Variants in ACOT8 observed in about 807,000 individuals in gnomAD.
ACOT8 encodes the protein acyl-CoA thioesterase 8.
Under a neutral mutation model 38.4 loss-of-function variants are expected in ACOT8, and 31 were observed. That is an observed-to-expected ratio of 0.81 (90% confidence interval 0.61 to 1.09). ACOT8 has a LOEUF of 1.09. ACOT8 is among the 50% of genes least tolerant of loss of function. The pLI is 0.00. For missense variants in ACOT8, 373 were observed against 421.8 expected, an observed-to-expected ratio of 0.88 and a Z score of 1.01; for synonymous variants, 158 against 170.3, an observed-to-expected ratio of 0.93 and a Z score of 0.56.
Position 45,841,931 on chromosome 20 carries a change from C to A in ACOT8, c.867G>T (p.Gly289=), listed in dbSNP as rs368111029. The change falls in exon 6 of 6, where the codon GGG becomes GGT. Residue 289 remains glycine (G), a synonymous_variant. Coordinates refer to ENST00000217455, the MANE Select transcript of ACOT8 (RefSeq NM_005469.4). ...GGACTCCATCCTGACGCCACAGCCG[C>A]CCATGGACCAGCCCCCGAGAGCCAC... is the stretch of plus-strand genomic sequence containing the variant. ...WAGGSRGLVH[G]RLWRQDGVLA... 1 of 1,613,248 alleles carries A rather than the reference C, an allele frequency of 6.2e-7. No individual in the cohort carries two copies. Among genetic ancestry groups the A allele is most frequent in the Non-Finnish European group, 8.5e-7 (1 of 1,179,974 alleles).
In ACOT8 at chr20:45,848,465, A is replaced by G. The variant is rs143032158; in HGVS notation, c.473T>C (p.Ile158Thr). The change falls in exon 3 of 6, where the codon ATT (isoleucine) becomes ACT (threonine). Residue 158 changes from isoleucine to threonine, a missense_variant. Ile to Thr is a moderately conservative substitution (Grantham distance 89, BLOSUM62 -1). Coordinates refer to ENST00000217455, the MANE Select transcript of ACOT8 (RefSeq NM_005469.4). ...PEELLDCETL[I>T]DQYLRDPNLQ... is the part of the protein sequence containing the mutation. Reference sequence around the variant, plus strand: ...GGTCTCTCACCTTAAATACTGGTCAATGAGGGTCTCACAGTCAAGCAGCTC... The same window carrying G: ...GGTCTCTCACCTTAAATACTGGTCAGTGAGGGTCTCACAGTCAAGCAGCTC... 9 of 1,606,430 alleles carry G rather than the reference A, an allele frequency of 5.6e-6. No homozygotes were observed. Among genetic ancestry groups the G allele is most frequent in the East Asian group, 2.2e-5 (1 of 44,704 alleles).
chr20:45,850,136 G>A (rs560604912), intron 2 of ACOT8, among the ~76,000 whole-genome samples: 2 of 152,248 alleles, frequency 1.3e-5, no homozygotes, highest in Admixed American at 1.3e-4. Context: ...CTTGAAGCTG[G>A]GAGGTGGAGG....
intron 2 of ACOT8, among the ~76,000 whole-genome samples, chr20:45,849,394 T>C (rs1662319480): frequency 6.6e-6 from 1 of 152,036 alleles, no homozygotes; most frequent in African/African-American, 2.4e-5. Context: ...AAGCGATTCC[T>C]GTGACTCAGC....
chr20:45,856,641 C>G (rs979272091), intron 1 of ACOT8, among the ~76,000 whole-genome samples: 1 of 152,160 alleles, frequency 6.6e-6, no homozygotes, highest in Non-Finnish European at 1.5e-5. Flanking sequence ...GATCGCACCA[C>G]TGCACTCCAG....
Position 45,843,707 on chromosome 20 carries a change from T to A in ACOT8, c.661A>T (p.Lys221Ter), listed in dbSNP as rs1225861603. Residue 221 changes from lysine to a stop codon, truncating the protein, a stop_gained, in exon 5 of 6, where the codon AAG becomes TAG. Transcript: ENST00000217455. LOFTEE classifies it high-confidence loss of function. The stretch of plus-strand genomic sequence containing the variant: ...TAGGCGGCCACGCAGCAGTGCATCT[T>A]CATGTCGCCCTCGCCTGCAACAGGT... ...ARGYIGEGDM[K>*]MHCCVAAYIS... 2 of 1,606,744 alleles carry A rather than the reference T, an allele frequency of 1.2e-6. No individual in the cohort carries two copies. Among genetic ancestry groups the A allele is most frequent in the African/African-American group, 2.7e-5 (2 of 74,784 alleles).
At chr20:45,857,103 C>A (rs1040600793) in intron 1 of ACOT8, 85 bp downstream of exon 1, 3 of 1,520,390 alleles carry the variant, frequency 2.0e-6, no homozygotes, top group Admixed American at 3.9e-5. Context: ...CATACTAGTC[C>A]CGGAGCCAGG....
intron 2 of ACOT8, chr20:45,848,983 A>C (rs1984884083): frequency 3.3e-6 from 1 of 298,854 alleles, no homozygotes; most frequent in Non-Finnish European, 6.2e-6. Context: ...GCTTATTTGC[A>C]AACTGGGGAT....
chr20:45,852,429 T>C (rs1985127595), intron 2 of ACOT8, among the ~76,000 whole-genome samples: 1 of 151,958 alleles, frequency 6.6e-6, no homozygotes, highest in Admixed American at 6.6e-5. Context: ...TCTGCCCGCC[T>C]CGGCCTCCCA....
intron 2 of ACOT8, 85 bp downstream of exon 2, chr20:45,855,074 T>C: frequency 6.4e-7 from 1 of 1,558,828 alleles, no homozygotes; most frequent in South Asian, 1.2e-5. Flanking sequence ...AGTCTCCCTC[T>C]CTTCCCTTTT....
In ACOT8 at chr20:45,843,322, C is replaced by T. The variant is rs115914477; in HGVS notation, c.841+205G>A. 372 of 786,922 alleles carry T rather than the reference C, an allele frequency of 4.7e-4. No homozygotes were observed. In the African/African-American group the frequency reaches 5.5e-3, roughly 12 times the overall value. The allele number at this position is 786,922 out of a possible 1,614,324, so 48.7% of individuals were successfully genotyped here. ...CCTGGGAGAAGGTGAATCACATTTC[C>T]AGCACATTCTAGAAATTTAGAGCAG... On this transcript the variant is annotated intron_variant, in intron 5 of 5. Coordinates refer to ENST00000217455, the MANE Select transcript of ACOT8 (RefSeq NM_005469.4).
intron 1 of ACOT8, 69 bp downstream of exon 1, chr20:45,857,119 C>A: frequency 6.4e-7 from 1 of 1,552,088 alleles, no homozygotes; most frequent in Non-Finnish European, 8.7e-7. Context: ...CCAGGGGCCC[C>A]GGGCGGCGGC....
chr20:45,844,148 C>T (rs1023191716), intron 4 of ACOT8, 115 bp downstream of exon 4: 5 of 1,424,164 alleles, frequency 3.5e-6, no homozygotes, highest in Non-Finnish European at 4.9e-6. Flanking sequence ...ACTTCCCCAT[C>T]ATGCAGATAA....
chr20:45,855,073 C>G (rs914036244), intron 2 of ACOT8, 86 bp downstream of exon 2: 6 of 1,557,298 alleles, frequency 3.9e-6, no homozygotes, highest in African/African-American at 1.4e-5. Context: ...CAGTCTCCCT[C>G]TCTTCCCTTT....
intron 2 of ACOT8, among the ~76,000 whole-genome samples, chr20:45,852,290 C>T (rs1357583356): frequency 6.6e-6 from 1 of 152,026 alleles, no homozygotes; most frequent in Admixed American, 6.5e-5. Flanking sequence ...GACTCAGCCT[C>T]CTGAGTAGCT....
At position 45,857,234 on chromosome 20, in the gene ACOT8, C is replaced by T. The variant is rs762943629; in HGVS notation, c.82G>A (p.Val28Ile). The change falls in exon 1 of 6, where the codon GTC (valine) becomes ATC (isoleucine). Residue 28 changes from valine to isoleucine, a missense_variant. Transcript: ENST00000217455. ...GGCTCGAGGTTGAGCACGGTCGTGACCAAGACGCTACGGAGGTCCCCAGGG... is the reference window on the plus strand; with the variant it reads ...GGCTCGAGGTTGAGCACGGTCGTGATCAAGACGCTACGGAGGTCCCCAGGG... ...DPPGDLRSVLVTTVLNLEPLD... is the reference protein window; with the variant it reads ...DPPGDLRSVLITTVLNLEPLD... 1.9e-6 allele frequency: 3 copies of T among 1,613,614 alleles called. No homozygotes were observed. The highest frequency in any genetic ancestry group is 2.5e-6 in the Non-Finnish European group (3 of 1,180,000).
At position 45,849,291 on chromosome 20, in the gene ACOT8, TTTTG is replaced by T. The variant is rs570103114; in HGVS notation, c.263-620_263-617del. Reference sequence around the variant, plus strand: ...CTATTTATTCAGCGCTTGTTCTTTTTTTTGTTTGTTTGAGATGGAGTCTTGCTCT... The same window carrying T: ...CTATTTATTCAGCGCTTGTTCTTTTTTTTGTTTGAGATGGAGTCTTGCTCT... On this transcript the variant is annotated intron_variant, in intron 2 of 5. Coordinates refer to ENST00000217455, the MANE Select transcript of ACOT8 (RefSeq NM_005469.4). Among the ~76,000 whole-genome samples the T allele has an allele frequency of 4.0e-3, 605 of 152,250 alleles. 4 individuals carry two copies. Among genetic ancestry groups the T allele is most frequent in the Non-Finnish European group, 5.1e-3 (350 of 68,020 alleles).
At chr20:45,851,597 G>A (rs1985067527) in intron 2 of ACOT8, among the ~76,000 whole-genome samples, 1 of 152,222 alleles carries the variant, frequency 6.6e-6, no homozygotes, top group South Asian at 2.1e-4. Flanking sequence ...CATTGGACAG[G>A]AGGGTATGTT....
At chr20:45,842,158 C>G (rs575090228) in intron 5 of ACOT8, 13 of 1,523,534 alleles carry the variant, frequency 8.5e-6, no homozygotes, top group Non-Finnish European at 1.1e-5. Context: ...GGACTTCTTG[C>G]AAAGGGTCTG....
intron 5 of ACOT8, 110 bp downstream of exon 5, chr20:45,843,417 A>G: frequency 7.2e-7 from 1 of 1,383,914 alleles, no homozygotes; most frequent in Non-Finnish European, 9.9e-7. Context: ...GAAGGAAAGG[A>G]AGTGACCTGT....
Sources: allele counts gnomAD v4.1 joint callset (sites outside exome capture counted in the v4.1 genomes callset), GRCh38; gene constraint gnomAD v4.1.1; transcripts MANE v1.5; gene names NCBI Gene and HGNC (gene_info 2026-07-23, HGNC 2026-07-21).